Variants in DTX4 observed in about 807,000 individuals in gnomAD.
The protein encoded by DTX4 is E3 ubiquitin-protein ligase DTX4.
DTX4 carries 28 observed loss-of-function variants against 57.6 expected under a neutral mutation model. The observed-to-expected ratio is 0.49, with a 90% CI of 0.36 to 0.67. The LOEUF is 0.67. Among genes scored for constraint, DTX4 ranks in the 30% least tolerant of loss-of-function variants. The pLI is 0.00. For synonymous variants in DTX4, 316 were observed against 331.0 expected (o/e 0.95, Z 0.49); for missense variants, 715 against 836.8 (o/e 0.85, Z 1.80).
intron 1 of DTX4, among the ~76,000 whole-genome samples, chr11:59,181,438 G>C (rs1400417371): frequency 1.3e-5 from 2 of 152,192 alleles, no homozygotes; most frequent in African/African-American, 2.4e-5. Flanking sequence ...GAATGAATTT[G>C]TCTGCAAACC....
At chr11:59,198,704 G>A (rs1169309562) in intron 7 of DTX4, among the ~76,000 whole-genome samples, 1 of 152,098 alleles carries the variant, frequency 6.6e-6, no homozygotes, top group Non-Finnish European at 1.5e-5. Context: ...GATCATCTAC[G>A]TGAGAACTTG....
At chr11:59,194,977 A>G in intron 6 of DTX4, 3 of 564,262 alleles carry the variant, frequency 5.3e-6, no homozygotes, top group Non-Finnish European at 9.4e-6. Context: ...CTTCTCTTAC[A>G]TATCCCTCAG....
At position 59,206,807 on chromosome 11, in the gene DTX4, G is replaced by C. The variant is rs1862817183; in HGVS notation, c.*1898G>C. 6.6e-6 allele frequency: 1 copy of C among 152,620 alleles called. No individual in the cohort carries two copies. The highest frequency in any genetic ancestry group is 2.4e-5 in the African/African-American group (1 of 41,426). 9.5% of individuals were successfully genotyped at this position (152,620 alleles called of 1,614,324 possible). ...CAAATGGTTACAGGGATGTTGATCA[G>C]CTCCACCAGAGGGAGCTCTGATGGG... On this transcript the variant is annotated 3_prime_UTR_variant, in exon 9 of 9. Coordinates refer to ENST00000227451, the MANE Select transcript of DTX4 (RefSeq NM_015177.2).
At position 59,192,168 on chromosome 11, in the gene DTX4, C is replaced by T; in HGVS notation, c.1292C>T (p.Pro431Leu). The change falls in exon 6 of 9, where the codon CCT (proline) becomes CTT (leucine). Residue 431 changes from proline (P) to leucine (L), a missense_variant. Pro to Leu is a moderately conservative substitution (Grantham distance 98). Coordinates refer to ENST00000227451, the MANE Select transcript of DTX4 (RefSeq NM_015177.2). ...AAGGGCCCGCAGCCTACGGTAAAAC[C>T]TGACCTGGTAGGGAAGCTGTCCAGA... Reference protein sequence around the residue: ...GYKGPQPTVKPDLVGKLSRCG... With the variant: ...GYKGPQPTVKLDLVGKLSRCG... 6.2e-7 allele frequency: 1 copy of T among 1,613,982 alleles called. No homozygotes were observed. The highest frequency in any genetic ancestry group is 8.5e-7 in the Non-Finnish European group (1 of 1,179,888).
At chr11:59,183,245 G>T (rs983071932) in intron 2 of DTX4, among the ~76,000 whole-genome samples, 3 of 152,180 alleles carry the variant, frequency 2.0e-5, no homozygotes, top group African/African-American at 7.2e-5. Context: ...GGTGCAAAAT[G>T]AGAGTTTCTT....
intron 1 of DTX4, among the ~76,000 whole-genome samples, chr11:59,173,631 G>T (rs551309702): frequency 1.3e-5 from 2 of 152,154 alleles, no homozygotes; most frequent in Non-Finnish European, 2.9e-5. Context: ...ACCATAGCCT[G>T]TAAGGAACCC....
chr11:59,187,575 T>C (rs1315479021), intron 2 of DTX4, among the ~76,000 whole-genome samples: 2 of 152,268 alleles, frequency 1.3e-5, no homozygotes, highest in African/African-American at 2.4e-5. Context: ...ATTCTTTTTT[T>C]CCTCCTCTTG....
intron 5 of DTX4, 137 bp downstream of exon 5, chr11:59,191,312 A>G (rs781600529): frequency 4.8e-6 from 4 of 838,782 alleles, no homozygotes; most frequent in Non-Finnish European, 7.4e-6. Context: ...CAGAACTGAC[A>G]CTGAGGGTTC....
chr11:59,172,095 G>A (rs1862330941), upstream of DTX4, among the ~76,000 whole-genome samples: 1 of 151,850 alleles, frequency 6.6e-6, no homozygotes, highest in East Asian at 2.0e-4. Flanking sequence ...GAAGGGGTGG[G>A]GAGGGAGGGA....
At chr11:59,202,501 T>TCC (rs1862751795) in intron 8 of DTX4, among the ~76,000 whole-genome samples, 2 of 152,390 alleles carry the variant, frequency 1.3e-5, no homozygotes, top group Admixed American at 1.3e-4. Flanking sequence ...CTTGGGTTTA[T>TCC]ATTTGTTTAC....
At chr11:59,173,474 G>A (rs920273331) in intron 1 of DTX4, among the ~76,000 whole-genome samples, 15 of 152,218 alleles carry the variant, frequency 9.9e-5, no homozygotes, top group African/African-American at 3.6e-4. Context: ...CACACTACAT[G>A]CGCGGAAGCA....
chr11:59,186,456 G>T (rs1862529740), intron 2 of DTX4, among the ~76,000 whole-genome samples: 1 of 152,166 alleles, frequency 6.6e-6, no homozygotes, highest in African/African-American at 2.4e-5. Context: ...TCTGAGTGCT[G>T]CCCCCTGCTG....
intron 2 of DTX4, 92 bp downstream of exon 2, chr11:59,182,554 CTT>C (rs1862480861): frequency 1.4e-6 from 2 of 1,427,068 alleles, no homozygotes. Context: ...GCTGCCAAGA[CTT>C]AAGCTTCTCA....
At position 59,192,265 on chromosome 11, in the gene DTX4, A is replaced by G. The variant is rs112958827; in HGVS notation, c.1374+15A>G. 3,785 of 1,613,630 alleles carry G rather than the reference A, an allele frequency of 2.3e-3. 92 individuals carry two copies. In the African/African-American group the frequency reaches 0.044, roughly 19 times the overall value. On this transcript the variant is annotated intron_variant, in intron 6 of 8. Transcript: ENST00000227451. Reference sequence around the variant, plus strand: ...ATGGGAACAAGGTCAGTGCCAGCCTATGGGGCTCCTGCCACCCTTCACACT... The same window carrying G: ...ATGGGAACAAGGTCAGTGCCAGCCTGTGGGGCTCCTGCCACCCTTCACACT...
intron 1 of DTX4, among the ~76,000 whole-genome samples, chr11:59,177,900 G>A (rs948830517): frequency 2.6e-5 from 4 of 152,236 alleles, no homozygotes; most frequent in African/African-American, 9.6e-5. Flanking sequence ...GGACATGCAG[G>A]CATAGAGAAT....
At chr11:59,181,376 G>C (rs1862460001) in intron 1 of DTX4, among the ~76,000 whole-genome samples, 1 of 152,176 alleles carries the variant, frequency 6.6e-6, no homozygotes, top group South Asian at 2.1e-4. Flanking sequence ...GAGTTATCCT[G>C]TTTCCCAGGA....
At chr11:59,192,040 A>C in intron 5 of DTX4, 58 bp from the exon 6 acceptor site, 1 of 1,574,984 alleles carries the variant, frequency 6.3e-7, no homozygotes, top group Non-Finnish European at 8.7e-7. Flanking sequence ...ATCATGTGGA[A>C]ATCTCCCAGG....
chr11:59,193,606 A>G (rs7951382), intron 6 of DTX4, among the ~76,000 whole-genome samples: 1 of 152,156 alleles, frequency 6.6e-6, no homozygotes, highest in East Asian at 1.9e-4. Context: ...GTAACTCTAC[A>G]TTTATTTCCA....
intron 6 of DTX4, chr11:59,194,998 G>A (rs1041333677): frequency 2.7e-5 from 16 of 602,858 alleles, no homozygotes; most frequent in Middle Eastern, 4.3e-4. Flanking sequence ...CATGGAGCAT[G>A]GGACCAGTTG....
Sources: gnomAD v4.1 joint callset for allele counts (sites outside exome capture counted in the v4.1 genomes callset) on GRCh38, gnomAD v4.1.1 for gene constraint, MANE v1.5 for transcripts, NCBI Gene and HGNC (gene_info 2026-07-23, HGNC 2026-07-21) for gene names.